The following C14orf39 variants were observed in gnomAD, a reference collection of about 807,000 sequenced individuals.
The protein encoded by C14orf39 is protein SIX6OS1.
A neutral mutation model predicts 85.6 loss-of-function variants in C14orf39; 66 were observed. That is an observed-to-expected ratio of 0.77 (90% CI 0.63 to 0.95). The LOEUF is 0.95. Ranked by LOEUF, C14orf39 falls within the 40% of genes least tolerant of loss-of-function variation. The pLI, the probability that C14orf39 is intolerant of heterozygous loss-of-function variation, is 0.00. For missense variants in C14orf39, 735 were observed against 663.9 expected, an observed-to-expected ratio of 1.11 and a Z score of -1.18; for synonymous variants, 242 against 214.0, an observed-to-expected ratio of 1.13 and a Z score of -1.14.
At chr14:60,500,874 C>T (rs981165360) in intron 1 of C14orf39, among the ~76,000 whole-genome samples, 5 of 147,230 alleles carry the variant, frequency 3.4e-5, no homozygotes, top group African/African-American at 1.3e-4. Context: ...GGAAAACGAA[C>T]AAAAAAAAAG....
chr14:60,475,165 T>C, intron 5 of C14orf39, among the ~76,000 whole-genome samples: 1 of 152,334 alleles, frequency 6.6e-6, no homozygotes, highest in East Asian at 1.9e-4. Context: ...CCATTTCTTC[T>C]AGATTTTCTA....
In C14orf39 at chr14:60,469,556, T is replaced by C; in HGVS notation, c.652A>G (p.Ile218Val). 1 of 1,481,866 alleles carries C rather than the reference T, an allele frequency of 6.7e-7. No individual in the cohort carries two copies. The highest frequency in any genetic ancestry group is 9.1e-7 in the Non-Finnish European group (1 of 1,098,750). The allele number at this position is 1,481,866 out of a possible 1,614,324, so 91.8% of individuals were successfully genotyped here. A position where few individuals can be genotyped will look rare whatever the true frequency, so the allele number is the denominator to read the frequency against. The change falls in exon 8 of 18, where the codon ATA (isoleucine) becomes GTA (valine). Residue 218 changes from isoleucine to valine, a missense_variant. By Grantham distance (29) the Ile-to-Val change is conservative. Coordinates refer to ENST00000321731, the MANE Select transcript of C14orf39 (RefSeq NM_174978.3). ...ACCTGGTTTAAATAATTAATTTCTA[T>C]TTCCATTTCATCTACTTCTTTCTTC... Reference protein sequence around the residue: ...ELKKEVDEMEIEINYLNQQIS... With the variant: ...ELKKEVDEMEVEINYLNQQIS...
intron 16 of C14orf39, among the ~76,000 whole-genome samples, chr14:60,444,025 C>T (rs972668950): frequency 6.6e-6 from 1 of 152,124 alleles, no homozygotes; most frequent in Non-Finnish European, 1.5e-5. Context: ...GACATCCACA[C>T]CAAAACCCCA....
chr14:60,493,146 C>G (rs944650949), intron 2 of C14orf39, among the ~76,000 whole-genome samples: 10 of 152,168 alleles, frequency 6.6e-5, no homozygotes. Flanking sequence ...TTCGAATGAA[C>G]TGTACTTAAA....
chr14:60,471,347 C>G, intron 7 of C14orf39, 70 bp downstream of exon 7: 1 of 1,151,248 alleles, frequency 8.7e-7, no homozygotes, highest in South Asian at 1.5e-5. Flanking sequence ...AAAGGAAACA[C>G]AGTAACAATT....
In C14orf39 at chr14:60,436,194, G is replaced by A. The variant is rs1890241892; in HGVS notation, c.*651C>T. On this transcript the variant is annotated 3_prime_UTR_variant, in exon 18 of 18. Coordinates refer to ENST00000321731, the MANE Select transcript of C14orf39 (RefSeq NM_174978.3). ...ATTTAAGCAAAAAAGAATATTAACA[G>A]GATCACCACTGATACAACAATCCAA... is the stretch of plus-strand genomic sequence containing the variant. The A allele has an allele frequency of 1.3e-5, 2 of 151,918 alleles. No homozygotes were observed. The highest frequency in any genetic ancestry group is 2.9e-5 in the Non-Finnish European group (2 of 67,958). 9.4% of individuals were successfully genotyped at this position (151,918 alleles called of 1,614,324 possible).
intron 16 of C14orf39, among the ~76,000 whole-genome samples, chr14:60,453,893 A>G (rs923451197): frequency 2.0e-5 from 3 of 151,928 alleles, no homozygotes; most frequent in African/African-American, 7.2e-5. Flanking sequence ...ATTTTTTCCT[A>G]TGCAAGTATT....
At chr14:60,448,361 A>C (rs978806575) in intron 16 of C14orf39, among the ~76,000 whole-genome samples, 4 of 152,220 alleles carry the variant, frequency 2.6e-5, no homozygotes, top group East Asian at 1.9e-4. Flanking sequence ...AAAAATAAAA[A>C]AGTGGGCAAA....
chr14:60,494,785 C>T (rs1448578632), intron 2 of C14orf39: 1 of 152,362 alleles, frequency 6.6e-6, no homozygotes, highest in African/African-American at 2.4e-5. Flanking sequence ...CTAGGGAAGC[C>T]ATCATGTAGT....
intron 2 of C14orf39, chr14:60,494,749 C>G (rs1893043297): frequency 6.6e-6 from 1 of 152,276 alleles, no homozygotes; most frequent in Non-Finnish European, 1.5e-5. Context: ...TCTACCACTG[C>G]AGGCTAAAAT....
chr14:60,501,066 C>G (rs1263635280), intron 1 of C14orf39, among the ~76,000 whole-genome samples: 1 of 151,782 alleles, frequency 6.6e-6, no homozygotes, highest in East Asian at 1.9e-4. Context: ...TGTCTAGGGC[C>G]AGGTGAAGGA....
At chr14:60,479,274 T>C (rs2140148681) in intron 4 of C14orf39, among the ~76,000 whole-genome samples, 1 of 152,304 alleles carries the variant, frequency 6.6e-6, no homozygotes, top group East Asian at 1.9e-4. Context: ...TTTCTGATCA[T>C]TTCCTTAGAA....
chr14:60,500,642 A>G (rs1893129401), intron 1 of C14orf39, among the ~76,000 whole-genome samples: 3 of 152,222 alleles, frequency 2.0e-5, no homozygotes, highest in Admixed American at 1.3e-4. Context: ...ACGAAATGTT[A>G]TCAGGAAAAG....
At chr14:60,448,501 G>A (rs1265939984) in intron 16 of C14orf39, among the ~76,000 whole-genome samples, 1 of 152,176 alleles carries the variant, frequency 6.6e-6, no homozygotes, top group Non-Finnish European at 1.5e-5. Flanking sequence ...ATGCTAGTTA[G>A]AATGGCAATT....
At chr14:60,514,965 G>A (rs1314642866) in intron 1 of C14orf39, among the ~76,000 whole-genome samples, 1 of 152,150 alleles carries the variant, frequency 6.6e-6, no homozygotes, top group South Asian at 2.1e-4. Flanking sequence ...GGCGCTCGGC[G>A]GGACAATGCG....
chr14:60,479,913 T>C (rs561918426), intron 4 of C14orf39, among the ~76,000 whole-genome samples: 10 of 152,286 alleles, frequency 6.6e-5, no homozygotes, highest in Admixed American at 5.9e-4. Context: ...TTCCTATCAT[T>C]ATAAAAAGGC....
intron 16 of C14orf39, among the ~76,000 whole-genome samples, chr14:60,451,521 G>C (rs1028017233): frequency 7.2e-5 from 11 of 152,112 alleles, no homozygotes; most frequent in Non-Finnish European, 1.5e-4. Context: ...AAAAGGATGA[G>C]TTCATGTCCT....
chr14:60,456,973 C>T lies in C14orf39; in HGVS notation c.1302G>A (p.Val434=), dbSNP rs759887326. 1.2e-6 allele frequency: 2 copies of T among 1,608,248 alleles called. No homozygotes were observed. The highest frequency in any genetic ancestry group is 1.7e-6 in the Non-Finnish European group (2 of 1,177,660). ...IPIFLGTPKA[V]KAPESLEKIK... ...TTTTCTCCAATGACTCAGGTGCTTTCACAGCTTTGGGAGTTCCTAAAAATA... is the reference window on the plus strand; with the variant it reads ...TTTTCTCCAATGACTCAGGTGCTTTTACAGCTTTGGGAGTTCCTAAAAATA... The change falls in exon 15 of 18, where the codon GTG becomes GTA. Residue 434 remains valine (V), a synonymous_variant. Coordinates refer to ENST00000321731, the MANE Select transcript of C14orf39 (RefSeq NM_174978.3).
intron 7 of C14orf39, among the ~76,000 whole-genome samples, chr14:60,471,083 T>C (rs976279372): frequency 2.6e-5 from 4 of 151,890 alleles, no homozygotes; most frequent in Non-Finnish European, 5.9e-5. Flanking sequence ...CTCACCTCCT[T>C]TGCACCTTCC....
Sources: gnomAD v4.1 joint callset for allele counts (sites outside exome capture counted in the v4.1 genomes callset) on GRCh38, gnomAD v4.1.1 for gene constraint, MANE v1.5 for transcripts, NCBI Gene and HGNC (gene_info 2026-07-23, HGNC 2026-07-21) for gene names.